IGF2R: variants seen among roughly 807,000 people sequenced by gnomAD.
The protein encoded by IGF2R is insulin like growth factor 2 receptor.
In IGF2R, 91 loss-of-function variants were observed where a neutral mutation model predicts 270.6. The ratio of observed to expected loss-of-function variants is 0.34; its 90% CI spans 0.28 to 0.40. The LOEUF is 0.40. Among genes scored for constraint, IGF2R ranks in the 10% least tolerant of loss-of-function variants. The pLI, the probability that IGF2R is intolerant of heterozygous loss-of-function variation, is 1.00. For missense variants in IGF2R, 2,805 were observed against 3,188.3 expected (o/e 0.88, Z 2.90); for synonymous variants, 1,316 against 1,258.9 (o/e 1.05, Z -0.96).
Position 160,069,785 on chromosome 6 carries a change from G to C in IGF2R, c.4253-83G>C, listed in dbSNP as rs17847646. ...GAAAGCGTATGAAGTTCTGCAGCGT[G>C]TGTGACATTTATTGCCTGATGAAGT... On this transcript the variant is annotated intron_variant, in intron 30 of 47. Transcript: ENST00000356956. 626 of 1,251,172 alleles carry C rather than the reference G, an allele frequency of 5.0e-4. 9 individuals are homozygous for C. The East Asian group carries it at 0.015, about 29-fold the overall frequency. The allele number at this position is 1,251,172 out of a possible 1,614,324, so 77.5% of individuals were successfully genotyped here. A position where few individuals can be genotyped will look rare whatever the true frequency, so the allele number is the denominator to read the frequency against.
At position 160,024,687 on chromosome 6, in the gene IGF2R, A is replaced by G. The variant is rs761005920; in HGVS notation, c.629A>G (p.Asn210Ser). 4 of 1,613,964 alleles carry G rather than the reference A, an allele frequency of 2.5e-6. No homozygotes were observed. Among genetic ancestry groups the G allele is most frequent in the East Asian group, 4.5e-5 (2 of 44,892 alleles). ...GATCCGGACACTTCTCTATTCATCA[A>G]TGTTTGTAGAGACATAGGTATGAAT... Reference protein sequence around the residue: ...DSDPDTSLFINVCRDIDTLRD... With the variant: ...DSDPDTSLFISVCRDIDTLRD... The change falls in exon 5 of 48, where the codon AAT (asparagine) becomes AGT (serine). Residue 210 changes from asparagine to serine, a missense_variant. By Grantham distance (46) the Asn-to-Ser change is conservative. This residue lies in a region of IGF2R where 954 missense variants were observed against 981.1 expected (regional missense o/e 0.97). Coordinates refer to ENST00000356956, the MANE Select transcript of IGF2R (RefSeq NM_000876.4).
At chr6:160,074,075 A>T (rs78983124) in intron 35 of IGF2R, 100 bp downstream of exon 35, 9 of 779,974 alleles carry the variant, frequency 1.2e-5, no homozygotes, top group African/African-American at 7.0e-5. Context: ...GCTCAAGCAT[A>T]AAAAAAATGG....
chr6:160,060,806 A>G, intron 23 of IGF2R, 89 bp downstream of exon 23: 7 of 1,297,774 alleles, frequency 5.4e-6, no homozygotes, highest in Non-Finnish European at 7.6e-6. Context: ...GTGTGTATGT[A>G]TATTTGTGTG....
intron 41 of IGF2R, among the ~76,000 whole-genome samples, chr6:160,087,589 C>T (rs8191921): frequency 0.036 from 5,424 of 152,314 alleles, 164 homozygotes; most frequent in East Asian, 0.098. Flanking sequence ...GGTCGATAAA[C>T]CTTTAGGGAG....
intron 10 of IGF2R, among the ~76,000 whole-genome samples, chr6:160,037,353 CTG>C (rs1338260054): frequency 6.6e-6 from 1 of 152,206 alleles, no homozygotes; most frequent in Non-Finnish European, 1.5e-5. Context: ...ACTCCAAACT[CTG>C]AGAGCAAATT....
chr6:160,035,845 G>T (rs952313337), intron 10 of IGF2R, among the ~76,000 whole-genome samples: 3 of 152,140 alleles, frequency 2.0e-5, no homozygotes, highest in African/African-American at 7.2e-5. Flanking sequence ...TTACCAGGAG[G>T]GAGGCACCGA....
At position 160,050,787 on chromosome 6, in the gene IGF2R, T is replaced by C. The variant is rs1211750710; in HGVS notation, c.2694+135T>C. The C allele has an allele frequency of 4.2e-6, 3 of 710,246 alleles. No individual in the cohort carries two copies. In the African/African-American group the frequency reaches 5.4e-5, roughly 13 times the overall value. The allele number at this position is 710,246 out of a possible 1,614,324, so 44.0% of individuals were successfully genotyped here. The stretch of plus-strand genomic sequence containing the variant: ...CAGTCTTAGTTCTGCTTAAGGTCAG[T>C]GTGCGGTATATATGTTCACAGGCAG... On this transcript the variant is annotated intron_variant, in intron 19 of 47. Coordinates refer to ENST00000356956, the MANE Select transcript of IGF2R (RefSeq NM_000876.4). The surrounding 1 kb of genome is among the most constrained non-coding windows in gnomAD (Gnocchi z 4.0).
Position 160,090,062 on chromosome 6 carries a change from G to A in IGF2R, c.6614G>A (p.Arg2205Gln). The change falls in exon 44 of 48, where the codon CGG becomes CAG. Residue 2205 changes from arginine to glutamine, a missense_variant. By Grantham distance (43) the Arg-to-Gln change is conservative. This residue lies in a region of IGF2R where 1,851 missense variants were observed against 2,207.2 expected (regional missense o/e 0.84). Transcript: ENST00000356956. ...QVKPNDQHFS[R>Q]KVGTSDKTKY... Reference sequence around the variant, plus strand: ...AAGCCCAACGATCAGCACTTCAGTCGGAAAGTTGGAACCTCTGACAAGACC... The same window carrying A: ...AAGCCCAACGATCAGCACTTCAGTCAGAAAGTTGGAACCTCTGACAAGACC... The A allele has an allele frequency of 1.3e-6, 2 of 1,583,296 alleles. No individual in the cohort carries two copies. Among genetic ancestry groups the A allele is most frequent in the Non-Finnish European group, 8.6e-7 (1 of 1,164,568 alleles).
intron 47 of IGF2R, among the ~76,000 whole-genome samples, 197 bp downstream of exon 47, chr6:160,104,012 G>A (rs8191951): frequency 0.015 from 2,265 of 151,782 alleles, 66 homozygotes; most frequent in African/African-American, 0.051. Flanking sequence ...AGTTTCTCTC[G>A]TGGTTACAAC....
chr6:160,044,001 T>C (rs1408731491), intron 12 of IGF2R, among the ~76,000 whole-genome samples: 1 of 152,234 alleles, frequency 6.6e-6, no homozygotes, highest in African/African-American at 2.4e-5. Context: ...TTTAATCCTT[T>C]ATAACAAAAA....
chr6:160,060,820 G>T, intron 23 of IGF2R, 103 bp downstream of exon 23: 1 of 1,126,136 alleles, frequency 8.9e-7, no homozygotes, highest in Non-Finnish European at 1.3e-6. Context: ...TTGTGTGTGT[G>T]TGGTGTGTAT....
intron 2 of IGF2R, among the ~76,000 whole-genome samples, chr6:159,996,070 T>C (rs1044291057): frequency 1.7e-4 from 26 of 152,150 alleles, no homozygotes; most frequent in African/African-American, 5.8e-4. Flanking sequence ...TTCTGGGTAC[T>C]TTCAGTGACA....
At chr6:160,017,859 G>A (rs144214155) in intron 4 of IGF2R, among the ~76,000 whole-genome samples, 1 of 152,200 alleles carries the variant, frequency 6.6e-6, no homozygotes, top group Non-Finnish European at 1.5e-5. Flanking sequence ...GCCCAAAGGA[G>A]GTCTATACAG....
intron 31 of IGF2R, among the ~76,000 whole-genome samples, chr6:160,070,606 G>C (rs1415098471): frequency 6.6e-6 from 1 of 152,246 alleles, no homozygotes; most frequent in Non-Finnish European, 1.5e-5. Flanking sequence ...CCTGTGATCA[G>C]TTCTTCCCTT....
At chr6:160,100,812 A>G (rs921288990) in intron 45 of IGF2R, among the ~76,000 whole-genome samples, 3 of 64,786 alleles carry the variant, frequency 4.6e-5, no homozygotes, top group Non-Finnish European at 5.7e-5. Flanking sequence ...TTTTTTGGAG[A>G]CAGAGACTTG....
rs8191928 is a variant in IGF2R, at chr6:160,089,778, C to G, written c.6468-138C>G. 14 of 544,074 alleles carry G rather than the reference C, an allele frequency of 2.6e-5. No homozygotes were observed. The Admixed American group carries it at 4.1e-4, about 16-fold the overall frequency. The allele number at this position is 544,074 out of a possible 1,614,324, so 33.7% of individuals were successfully genotyped here. On this transcript the variant is annotated intron_variant, in intron 43 of 47. Coordinates refer to ENST00000356956, the MANE Select transcript of IGF2R (RefSeq NM_000876.4). ...TGCTGTGGGGTCACAGACGTGCTGC[C>G]CTAGCGTGTCCGTGCTTCCTTTCCC...
intron 10 of IGF2R, among the ~76,000 whole-genome samples, chr6:160,036,582 T>A (rs1172810833): frequency 2.0e-5 from 3 of 152,112 alleles, no homozygotes; most frequent in Non-Finnish European, 4.4e-5. Flanking sequence ...TTTGAGAGTG[T>A]GCTGATCTCA....
At chr6:160,080,784 T>C (rs776899491) in intron 39 of IGF2R, among the ~76,000 whole-genome samples, 22 of 152,062 alleles carry the variant, frequency 1.4e-4, no homozygotes, top group Non-Finnish European at 2.5e-4. Flanking sequence ...TGCTGTGACT[T>C]GTGTCTACGG....
rs1393955697 is a variant in IGF2R at position 160,047,890 on chromosome 6, G to A, written c.2328G>A (p.Glu776=). 3.7e-6 allele frequency: 6 copies of A among 1,611,700 alleles called. No individual in the cohort carries two copies. The African/African-American group carries it at 8.0e-5, about 22-fold the overall frequency. ...TAGTGACCGACCCCTCCACGCTGGA[G>A]CAGTACGACCTCTCCAGGTGAGGCA... ...ECVVTDPSTL[E]QYDLSSLAKS... is the part of the protein sequence containing the mutation. Residue 776 remains glutamate, a synonymous_variant, in exon 17 of 48, where the codon GAG becomes GAA. Transcript: ENST00000356956.
Sources: allele counts gnomAD v4.1 joint callset (sites outside exome capture counted in the v4.1 genomes callset), GRCh38; gene constraint gnomAD v4.1.1; regional missense constraint gnomAD v4.1.1; non-coding constraint Gnocchi (gnomAD v3.1); transcripts MANE v1.5; gene names NCBI Gene and HGNC (gene_info 2026-07-23, HGNC 2026-07-21).